NECAB2: variants seen among roughly 807,000 people sequenced by gnomAD.
The protein encoded by NECAB2 is N-terminal EF-hand calcium-binding protein 2.
Under a neutral mutation model 51.9 loss-of-function variants are expected in NECAB2, and 68 were observed. That is an observed-to-expected ratio of 1.31 (90% CI 1.08 to 1.60). The LOEUF is 1.60. NECAB2 is among the 40% of genes most tolerant of loss of function. The probability of loss-of-function intolerance (pLI) is 0.00; values close to 1 mark genes in which losing one functional copy is unlikely to be tolerated. For synonymous variants in NECAB2, 329 were observed against 203.5 expected (o/e 1.62, Z -5.25); for missense variants, 854 against 490.3 (o/e 1.74, Z -7.00).
chr16:83,974,954 GCAGGGA>G (rs2084390051), intron 2 of NECAB2, among the ~76,000 whole-genome samples: 1 of 143,368 alleles, frequency 7.0e-6, no homozygotes, highest in African/African-American at 2.9e-5. Context: ...AGGTGTGGGT[GCAGGGA>G]TGGGAACAGG....
intron 6 of NECAB2, among the ~76,000 whole-genome samples, chr16:83,992,376 G>GGCC (rs1555548083): frequency 4.6e-5 from 5 of 109,768 alleles, no homozygotes; most frequent in African/African-American, 2.9e-4. Flanking sequence ...ACGAGCACCC[G>GGCC]TCCCCCCGCC....
At chr16:83,990,147 C>T (rs1469727201) in intron 5 of NECAB2, among the ~76,000 whole-genome samples, 1 of 152,190 alleles carries the variant, frequency 6.6e-6, no homozygotes, top group East Asian at 1.9e-4. Flanking sequence ...TTGATTGAGT[C>T]TTTGCTGTGT....
chr16:84,000,091 C>T (rs977522297), intron 10 of NECAB2, among the ~76,000 whole-genome samples: 5 of 151,758 alleles, frequency 3.3e-5, no homozygotes, highest in East Asian at 3.9e-4. Context: ...AGTGTTTTGC[C>T]ATGTTGGCTA....
chr16:83,984,838 G>A (rs183692917), intron 5 of NECAB2, among the ~76,000 whole-genome samples: 1 of 152,236 alleles, frequency 6.6e-6, no homozygotes, highest in East Asian at 1.9e-4. Context: ...TTAATTAGCT[G>A]TTTCAAATAA....
At chr16:83,982,670 C>A (rs972199246) in intron 5 of NECAB2, among the ~76,000 whole-genome samples, 1 of 152,236 alleles carries the variant, frequency 6.6e-6, no homozygotes, top group East Asian at 1.9e-4. Flanking sequence ...GGTCTTCAGT[C>A]AGACTTTTCA....
intron 5 of NECAB2, among the ~76,000 whole-genome samples, chr16:83,985,351 A>G (rs1476659404): frequency 9.1e-6 from 1 of 110,446 alleles, no homozygotes; most frequent in Non-Finnish European, 1.8e-5. Flanking sequence ...AAAAAAGGTT[A>G]CTGCTGGGTG....
intron 2 of NECAB2, among the ~76,000 whole-genome samples, chr16:83,974,645 C>A (rs151002744): frequency 6.6e-6 from 1 of 152,148 alleles, no homozygotes; most frequent in Admixed American, 6.5e-5. Flanking sequence ...AAACAAGGCT[C>A]GGAGATGGCA....
intron 1 of NECAB2, among the ~76,000 whole-genome samples, chr16:83,970,421 T>A (rs2084335426): frequency 6.6e-6 from 1 of 151,938 alleles, no homozygotes; most frequent in Non-Finnish European, 1.5e-5. Context: ...CCAGGCTGGA[T>A]CTTTGAGGAG....
chr16:83,996,960 C>G (rs570104513), intron 8 of NECAB2, among the ~76,000 whole-genome samples: 1 of 152,054 alleles, frequency 6.6e-6, no homozygotes, highest in African/African-American at 2.4e-5. Flanking sequence ...TAGTGGCAAA[C>G]CCCAGCATCT....
At chr16:83,989,734 A>G (rs915950992) in intron 5 of NECAB2, among the ~76,000 whole-genome samples, 2 of 152,356 alleles carry the variant, frequency 1.3e-5, no homozygotes. Context: ...CACTGGATCC[A>G]AAAGCCTTGA....
rs530752977 is a variant in NECAB2 at position 83,999,226 on chromosome 16, C to G, written c.962+909C>G. Among the ~76,000 whole-genome samples, 784 of 152,160 alleles carry G rather than the reference C, an allele frequency of 5.2e-3. 3 individuals carry two copies. Among genetic ancestry groups the G allele is most frequent in the African/African-American group, 0.018 (744 of 41,470 alleles). On this transcript the variant is annotated intron_variant, in intron 10 of 12. Transcript: ENST00000305202. ...CAGGAGTGCGGCCGTTCCCGAGACT[C>G]GGCGTGGCCACGAGGGGCCATTCTT... is the stretch of plus-strand genomic sequence containing the variant.
chr16:83,998,682 A>T (rs1231917695), intron 10 of NECAB2, among the ~76,000 whole-genome samples: 4 of 152,166 alleles, frequency 2.6e-5, no homozygotes, highest in African/African-American at 9.7e-5. Flanking sequence ...TGCTGCTGTC[A>T]CAGGGGTTCC....
At chr16:83,973,015 C>G (rs1303439209) in intron 2 of NECAB2, among the ~76,000 whole-genome samples, 1 of 152,372 alleles carries the variant, frequency 6.6e-6, no homozygotes, top group East Asian at 1.9e-4. Context: ...GGCAATAACA[C>G]TTGCCCTGCC....
At position 84,002,311 on chromosome 16, in the gene NECAB2, C is replaced by CT. The variant is rs2084854077; in HGVS notation, c.1133-3dup. ...TCCTTCCCTCTAACGTGTCTCTCTC[C>CT]TTTTAGCTGCTTGGTGCACGGTGGG... On this transcript the variant is annotated splice_region_variant and splice_polypyrimidine_tract_variant and intron_variant, in intron 12 of 12. Coordinates refer to ENST00000305202, the MANE Select transcript of NECAB2 (RefSeq NM_019065.3). The CT allele has an allele frequency of 1.2e-6, 2 of 1,613,930 alleles. No individual in the cohort carries two copies. Among genetic ancestry groups the CT allele is most frequent in the Non-Finnish European group, 1.7e-6 (2 of 1,179,880 alleles).
intron 10 of NECAB2, among the ~76,000 whole-genome samples, chr16:83,999,830 G>GACAAGTAGAAGGAAGAA (rs1348512383): frequency 6.6e-6 from 1 of 152,076 alleles, no homozygotes; most frequent in African/African-American, 2.4e-5. Context: ...TAAATGAGAG[G>GACAAGTAGAAGGAAGAA]ACAAGTAGAA....
At chr16:83,999,095 A>C (rs376243510) in intron 10 of NECAB2, among the ~76,000 whole-genome samples, 250 of 152,326 alleles carry the variant, frequency 1.6e-3, no homozygotes, top group African/African-American at 5.7e-3. Context: ...CAGGCAGGCC[A>C]GGTCCTAGCA....
Position 83,981,100 on chromosome 16 carries a change from C to G in NECAB2, c.432C>G (p.Val144=), listed in dbSNP as rs772791116. 1.9e-6 allele frequency: 3 copies of G among 1,614,032 alleles called. No individual in the cohort carries two copies. The African/African-American group carries it at 4.0e-5, about 22-fold the overall frequency. The change falls in exon 5 of 13, where the codon GTC becomes GTG. Residue 144 remains valine, a synonymous_variant. Transcript: ENST00000305202. ...CCCTGGAGACCTTGAATCACTCTGT[C>G]CTGAAGGCCATGGGTTATACCAAGA... ...LASLETLNHS[V]LKAMGYTKKV...
At chr16:84,001,075 G>C (rs2292331) in intron 11 of NECAB2, among the ~76,000 whole-genome samples, 35,755 of 152,016 alleles carry the variant, frequency 0.24, 9,050 homozygotes, top group African/African-American at 0.64. Flanking sequence ...TCCTGGAACA[G>C]CCCTGGGGGC....
chr16:84,001,988 C>CATATCTCCCG, intron 12 of NECAB2, 72 bp downstream of exon 12: 1 of 1,515,368 alleles, frequency 6.6e-7, no homozygotes, highest in Non-Finnish European at 9.0e-7. Context: ...GAGGCTGCCC[C>CATATCTCCCG]ATATCTCCCG....
Sources: gnomAD v4.1 joint callset for allele counts (sites outside exome capture counted in the v4.1 genomes callset) on GRCh38, gnomAD v4.1.1 for gene constraint, MANE v1.5 for transcripts, NCBI Gene and HGNC (gene_info 2026-07-23, HGNC 2026-07-21) for gene names.